Variants in FBXL13 observed in about 807,000 individuals in gnomAD.
The protein encoded by FBXL13 is F-box and leucine rich repeat protein 13.
In FBXL13, 67 loss-of-function variants were observed where a neutral mutation model predicts 83.6. That is an observed-to-expected ratio of 0.80 (90% CI 0.66 to 0.98). The LOEUF (loss-of-function observed/expected upper bound fraction) is 0.98, where lower values mean the gene tolerates loss of function less well. Ranked by LOEUF, FBXL13 falls within the 50% of genes least tolerant of loss-of-function variation. The pLI, the probability that FBXL13 is intolerant of heterozygous loss-of-function variation, is 0.00. For synonymous variants in FBXL13, 272 were observed against 299.5 expected (o/e 0.91, Z 0.95); for missense variants, 822 against 866.5 (o/e 0.95, Z 0.64).
chr7:102,912,363 C>T (rs1814850493), intron 11 of FBXL13, among the ~76,000 whole-genome samples: 1 of 152,004 alleles, frequency 6.6e-6, no homozygotes, highest in South Asian at 2.1e-4. Context: ...TACTATGACA[C>T]CAAATTAATA....
rs774310534 is a variant in FBXL13, at chr7:103,071,551, CTTTTTT to C, written c.-105+2689_-105+2694del. Reference sequence around the variant, plus strand: ...GGTGTGAGCCACTAAGACAAGTTAGCTTTTTTTTTTTTTTTTTTTTAATTTTTGTAC... The same window carrying C: ...GGTGTGAGCCACTAAGACAAGTTAGCTTTTTTTTTTTTTTAATTTTTGTAC... On this transcript the variant is annotated intron_variant, in intron 1 of 19. Transcript: ENST00000313221. 4.5e-3 allele frequency among the ~76,000 whole-genome samples: 573 copies of C among 126,172 alleles called. 2 individuals are homozygous for C. Among genetic ancestry groups the C allele is most frequent in the African/African-American group, 0.016 (537 of 34,210 alleles). The allele number at this position is 126,172 out of a possible 152,430, so 82.8% of individuals were successfully genotyped here.
chr7:102,937,506 CA>C (rs10642422), intron 8 of FBXL13, among the ~76,000 whole-genome samples: 4 of 113,482 alleles, frequency 3.5e-5, no homozygotes, highest in East Asian at 2.6e-4. Flanking sequence ...GACTCTGTCT[CA>C]AAAAAAAAAA....
chr7:102,942,364 G>T, intron 8 of FBXL13: 1 of 1,533,962 alleles, frequency 6.5e-7, no homozygotes, highest in Non-Finnish European at 8.8e-7. Flanking sequence ...AATGCAGTGG[G>T]AGTTGCCAGA....
At chr7:103,032,452 T>TA (rs1794602628) in intron 2 of FBXL13, among the ~76,000 whole-genome samples, 1 of 152,318 alleles carries the variant, frequency 6.6e-6, no homozygotes, top group African/African-American at 2.4e-5. Flanking sequence ...CTTAGACACT[T>TA]AATAGTAATT....
chr7:102,913,870 A>G (rs1815273963), intron 10 of FBXL13, among the ~76,000 whole-genome samples: 1 of 152,244 alleles, frequency 6.6e-6, no homozygotes, highest in African/African-American at 2.4e-5. Flanking sequence ...CAGGCAACAC[A>G]TGAGAAGAAT....
chr7:103,070,597 G>C (rs565224382), intron 1 of FBXL13, among the ~76,000 whole-genome samples: 18 of 152,328 alleles, frequency 1.2e-4, no homozygotes, highest in Admixed American at 6.5e-4. Flanking sequence ...AATTTATAAA[G>C]AAAAGAGTTG....
intron 6 of FBXL13, among the ~76,000 whole-genome samples, chr7:102,976,480 C>T (rs1014752746): frequency 1.3e-5 from 2 of 152,190 alleles, no homozygotes; most frequent in East Asian, 1.9e-4. Flanking sequence ...CTCTCCACTT[C>T]CACGTTCCCC....
intron 8 of FBXL13, among the ~76,000 whole-genome samples, chr7:102,952,221 A>G (rs1270048807): frequency 6.6e-6 from 1 of 152,206 alleles, no homozygotes; most frequent in Non-Finnish European, 1.5e-5. Flanking sequence ...TTAGTACTTA[A>G]TGGTACAAAC....
intron 8 of FBXL13, chr7:102,934,646 T>C: frequency 4.4e-6 from 7 of 1,605,692 alleles, no homozygotes; most frequent in South Asian, 1.1e-5. Flanking sequence ...TTGCCACAAT[T>C]ATGTGTTTCC....
At position 102,961,971 on chromosome 7, in the gene FBXL13, A is replaced by C. The variant is rs1248067983; in HGVS notation, c.724+1562T>G. Among the ~76,000 whole-genome samples, 682 of 144,290 alleles carry C rather than the reference A, an allele frequency of 4.7e-3. 3 individuals carry two copies. Among genetic ancestry groups the C allele is most frequent in the African/African-American group, 0.012 (460 of 37,710 alleles). The allele number at this position is 144,290 out of a possible 152,430, so 94.7% of individuals were successfully genotyped here. A position where few individuals can be genotyped will look rare whatever the true frequency, so the allele number is the denominator to read the frequency against. On this transcript the variant is annotated intron_variant, in intron 8 of 19. Coordinates refer to ENST00000313221, the Ensembl canonical transcript of FBXL13. ...ACACCAAAAGCAATGGCAACAAAAGACAAAATTGACAAATGGGATCTAATT... is the reference window on the plus strand; with the variant it reads ...ACACCAAAAGCAATGGCAACAAAAGCCAAAATTGACAAATGGGATCTAATT...
chr7:102,853,847 C>T lies in FBXL13; in HGVS notation c.1719+930G>A, dbSNP rs1250034070. Among the ~76,000 whole-genome samples, 3 of 151,966 alleles carry T rather than the reference C, an allele frequency of 2.0e-5. No individual in the cohort carries two copies. In the South Asian group the frequency reaches 6.2e-4, roughly 32 times the overall value. On this transcript the variant is annotated intron_variant, in intron 17 of 19. Transcript: ENST00000313221. ...TATCATCTCACACCAGTTAGAATGG[C>T]GATCATTAAAAAGTCAGGAAACAAC... is the stretch of plus-strand genomic sequence containing the variant.
intron 8 of FBXL13, chr7:102,934,680 G>A: frequency 6.3e-7 from 1 of 1,582,136 alleles, no homozygotes; most frequent in Non-Finnish European, 8.5e-7. Flanking sequence ...GACTGCAAAA[G>A]GAAAGGTTTG....
chr7:102,834,105 A>AG (rs1562926229), intron 17 of FBXL13, among the ~76,000 whole-genome samples: 1 of 110,232 alleles, frequency 9.1e-6, no homozygotes, highest in African/African-American at 4.4e-5. Context: ...AAAGAAAGAA[A>AG]GAAAGAAAGA....
At chr7:102,891,696 G>A (rs1811555475) in intron 11 of FBXL13, among the ~76,000 whole-genome samples, 4 of 152,186 alleles carry the variant, frequency 2.6e-5, no homozygotes, top group Admixed American at 2.0e-4. Flanking sequence ...GTGTGAGTGA[G>A]GAACCAGGAC....
At chr7:102,824,427 G>A (rs1388848123) in intron 18 of FBXL13, among the ~76,000 whole-genome samples, 2 of 151,944 alleles carry the variant, frequency 1.3e-5, no homozygotes, top group African/African-American at 4.8e-5. Context: ...TTTCTTGCTC[G>A]TTTCTCATTC....
At chr7:102,934,942 T>C (rs143161618) in intron 8 of FBXL13, among the ~76,000 whole-genome samples, 1,537 of 152,298 alleles carry the variant, frequency 0.01, 8 homozygotes, top group Non-Finnish European at 0.014. Flanking sequence ...CATTTGCACA[T>C]CGCAAGCTGT....
At chr7:103,024,965 A>G (rs375369317) in intron 6 of FBXL13, 98 bp downstream of exon 7, 1 of 845,982 alleles carries the variant, frequency 1.2e-6, no homozygotes, top group Non-Finnish European at 1.6e-6. Flanking sequence ...GGTTCAAGCA[A>G]TTCTCCTGTC....
chr7:102,861,598 T>C (rs1245411291), intron 16 of FBXL13, among the ~76,000 whole-genome samples: 5 of 152,220 alleles, frequency 3.3e-5, no homozygotes, highest in Non-Finnish European at 7.3e-5. Flanking sequence ...TGAGATGTTA[T>C]AGTACACCCA....
Position 102,883,643 on chromosome 7 carries a change from TGAAAACCAGC to T in FBXL13, c.1140_1149del (p.Phe383HisfsTer36). The stretch of plus-strand genomic sequence containing the variant: ...CAATCGGAGATATGCGGTGCACCAG[TGAAAACCAGC>T]GATGTAATACGAGAGCATTTTTCAA... On this transcript the variant is annotated frameshift_variant, in exon 13 of 20. Transcript: ENST00000313221. LOFTEE classifies it high-confidence loss of function. 1 of 1,611,652 alleles carries T rather than the reference TGAAAACCAGC, an allele frequency of 6.2e-7. No homozygotes were observed.
Sources: allele counts gnomAD v4.1 joint callset (sites outside exome capture counted in the v4.1 genomes callset), GRCh38; gene constraint gnomAD v4.1.1; transcripts MANE v1.5; gene names NCBI Gene and HGNC (gene_info 2026-07-23, HGNC 2026-07-21).